Variants in COL22A1 observed in about 807,000 individuals in gnomAD.
The protein encoded by COL22A1 is collagen type XXII alpha 1 chain, also known as collagen alpha-1(XXII) chain.
Under a neutral mutation model 248.9 loss-of-function variants are expected in COL22A1, and 221 were observed. The observed-to-expected ratio is 0.89, with a 90% CI of 0.80 to 0.99. The LOEUF is 0.99. Ranked by LOEUF, COL22A1 falls within the 50% of genes least tolerant of loss-of-function variation. The pLI is 0.00. For missense variants in COL22A1, 2,240 were observed against 2,179.0 expected (o/e 1.03, Z -0.56); for synonymous variants, 891 against 793.4 (o/e 1.12, Z -2.07).
intron 12 of COL22A1, among the ~76,000 whole-genome samples, chr8:138,788,975 A>T (rs1330867746): frequency 1.3e-5 from 2 of 152,226 alleles, no homozygotes; most frequent in Non-Finnish European, 2.9e-5. Flanking sequence ...TTCTAGATCC[A>T]GCCAGTCTGT....
intron 4 of COL22A1, 143 bp from the exon 5 acceptor site, chr8:138,833,293 T>C (rs1820186620): frequency 4.8e-6 from 3 of 620,364 alleles, no homozygotes; most frequent in Admixed American, 5.2e-5. Flanking sequence ...CAAATACATA[T>C]TCAGGGAGAA....
chr8:138,649,820 A>G, intron 45 of COL22A1, 42 bp from the exon 46 acceptor site: 1 of 1,256,042 alleles, frequency 8.0e-7, no homozygotes, highest in Non-Finnish European at 1.1e-6. Context: ...GAGAATAACT[A>G]GCAAATACAG....
chr8:138,683,518 A>T (rs539311400), intron 39 of COL22A1, among the ~76,000 whole-genome samples: 1 of 152,282 alleles, frequency 6.6e-6, no homozygotes, highest in East Asian at 1.9e-4. Flanking sequence ...GACATGCCCC[A>T]GTCTCCCCTG....
chr8:138,821,342 C>T lies in COL22A1; in HGVS notation c.1039G>A (p.Val347Ile). 1 of 1,614,188 alleles carries T rather than the reference C, an allele frequency of 6.2e-7. No individual in the cohort carries two copies. Among genetic ancestry groups the T allele is most frequent in the Non-Finnish European group, 8.5e-7 (1 of 1,180,032 alleles). Reference sequence around the variant, plus strand: ...CGAGAACCTCGGAAGACCACCCTGACAGCATCTTTCATGGCACCCACAGCG... The same window carrying T: ...CGAGAACCTCGGAAGACCACCCTGATAGCATCTTTCATGGCACCCACAGCG... ...YNAVGAMKDA[V>I]RVVFRGSRVN... is the part of the protein sequence containing the mutation. Residue 347 changes from valine (V) to isoleucine (I), a missense_variant, in exon 7 of 65, where the codon GTC (valine) becomes ATC (isoleucine). Transcript: ENST00000303045.
chr8:138,858,168 C>T (rs1822182431), intron 3 of COL22A1, among the ~76,000 whole-genome samples: 1 of 152,150 alleles, frequency 6.6e-6, no homozygotes. Flanking sequence ...TGTGGCACCT[C>T]CAGCCTTTTC....
At chr8:138,826,982 C>G (rs1819637135) in intron 5 of COL22A1, among the ~76,000 whole-genome samples, 1 of 152,164 alleles carries the variant, frequency 6.6e-6, no homozygotes, top group Non-Finnish European at 1.5e-5. Flanking sequence ...GTCATGACCC[C>G]CGAGGCTCCA....
intron 30 of COL22A1, among the ~76,000 whole-genome samples, chr8:138,709,006 A>G (rs1014975077): frequency 2.0e-5 from 3 of 152,258 alleles, no homozygotes; most frequent in Non-Finnish European, 4.4e-5. Flanking sequence ...TCAAAAGAAG[A>G]CATTTATGCA....
At chr8:138,677,477 T>C (rs1273402275) in intron 40 of COL22A1, among the ~76,000 whole-genome samples, 4 of 106,632 alleles carry the variant, frequency 3.8e-5, no homozygotes, top group Non-Finnish European at 7.7e-5. Flanking sequence ...AAATTTTGTT[T>C]GCCATTTCCT....
intron 42 of COL22A1, among the ~76,000 whole-genome samples, chr8:138,662,706 G>A (rs950174348): frequency 2.0e-5 from 3 of 152,046 alleles, no homozygotes; most frequent in Admixed American, 1.3e-4. Context: ...CATCTCCTGG[G>A]CCTTCACAGA....
intron 7 of COL22A1, among the ~76,000 whole-genome samples, chr8:138,814,159 C>G (rs2131713339): frequency 6.6e-6 from 1 of 152,370 alleles, no homozygotes; most frequent in Admixed American, 6.5e-5. Context: ...TTCACCTGCA[C>G]TTGCACTCTG....
chr8:138,626,610 C>G (rs964810433), intron 50 of COL22A1, among the ~76,000 whole-genome samples: 2 of 152,192 alleles, frequency 1.3e-5, no homozygotes, highest in Admixed American at 6.5e-5. Context: ...TCCTGAAATT[C>G]ACATTCTCTA....
At chr8:138,634,944 G>T in intron 49 of COL22A1, 66 bp downstream of exon 49, 1 of 1,045,520 alleles carries the variant, frequency 9.6e-7, no homozygotes, top group Non-Finnish European at 1.5e-6. Context: ...TACCATGCCT[G>T]GTGAGTTGAG....
intron 56 of COL22A1, among the ~76,000 whole-genome samples, chr8:138,612,094 T>C (rs1017999551): frequency 6.6e-6 from 1 of 152,130 alleles, no homozygotes; most frequent in Admixed American, 6.5e-5. Flanking sequence ...TGTAGGCATA[T>C]TGAAAATATT....
At chr8:138,691,940 ACGTGTG>A (rs1587875669) in intron 35 of COL22A1, among the ~76,000 whole-genome samples, 45 of 45,916 alleles carry the variant, frequency 9.8e-4, no homozygotes, top group African/African-American at 3.5e-3. Flanking sequence ...AGGTGTGTGT[ACGTGTG>A]TGCATGTTTG....
intron 10 of COL22A1, 148 bp from the exon 11 acceptor site, chr8:138,803,082 C>A: frequency 2.8e-6 from 2 of 702,616 alleles, no homozygotes; most frequent in East Asian, 5.2e-5. Flanking sequence ...CCACATGTCC[C>A]ACCCCTGGAG....
intron 5 of COL22A1, 90 bp downstream of exon 5, chr8:138,832,949 G>T: frequency 3.6e-6 from 3 of 830,400 alleles, no homozygotes; most frequent in South Asian, 1.5e-5. Flanking sequence ...AGCCCGGCTC[G>T]GTGCCAAGTA....
At chr8:138,608,804 A>C (rs539157794) in intron 56 of COL22A1, among the ~76,000 whole-genome samples, 139 of 152,292 alleles carry the variant, frequency 9.1e-4, no homozygotes, top group African/African-American at 3.1e-3. Flanking sequence ...CACTCAGGGC[A>C]CATTCCCGTT....
At chr8:138,842,697 C>A (rs1453214131) in intron 4 of COL22A1, among the ~76,000 whole-genome samples, 1 of 152,216 alleles carries the variant, frequency 6.6e-6, no homozygotes, top group Non-Finnish European at 1.5e-5. Context: ...ATTTTTGCAG[C>A]AGCCCAATAG....
rs1220799932 is a variant in COL22A1 at position 138,616,793 on chromosome 8, G to A, written c.3870+121C>T. On this transcript the variant is annotated intron_variant, in intron 54 of 64. Transcript: ENST00000303045. The stretch of plus-strand genomic sequence containing the variant: ...CTGTGCTGGCTTGCTCCATGCTGGT[G>A]TGCTCCACGTCCTCTCTCGGGTAAG... 6 of 1,102,106 alleles carry A rather than the reference G, an allele frequency of 5.4e-6. No individual in the cohort carries two copies. The East Asian group carries it at 7.2e-5, about 13-fold the overall frequency. The allele number at this position is 1,102,106 out of a possible 1,614,324, so 68.3% of individuals were successfully genotyped here.
Sources: allele counts gnomAD v4.1 joint callset (sites outside exome capture counted in the v4.1 genomes callset), GRCh38; gene constraint gnomAD v4.1.1; transcripts MANE v1.5; gene names NCBI Gene and HGNC (gene_info 2026-07-23, HGNC 2026-07-21).